Variants in VTA1 observed in about 807,000 individuals in gnomAD.
VTA1 encodes the protein vesicle trafficking 1.
Under a neutral mutation model 36.9 loss-of-function variants are expected in VTA1, and 24 were observed. The ratio of observed to expected loss-of-function variants is 0.65; its 90% CI spans 0.47 to 0.91. The LOEUF (loss-of-function observed/expected upper bound fraction) is 0.91, where lower values mean the gene tolerates loss of function less well. Ranked by LOEUF, VTA1 falls within the 40% of genes least tolerant of loss-of-function variation. VTA1 has a pLI of 0.00. For missense variants in VTA1, 393 were observed against 377.2 expected (o/e 1.04, Z -0.35); for synonymous variants, 142 against 130.2 (o/e 1.09, Z -0.62).
rs1202472255 is a variant in VTA1 at position 142,222,132 on chromosome 6, A to T, written c.*3489A>T. Reference sequence around the variant, plus strand: ...GGATGTGAGGTACGAACATAAGAGAAGGAGTAAAGGTTGACTCCAGATTTT... The same window carrying T: ...GGATGTGAGGTACGAACATAAGAGATGGAGTAAAGGTTGACTCCAGATTTT... On this transcript the variant is annotated 3_prime_UTR_variant, in exon 8 of 8. Coordinates refer to ENST00000367630, the MANE Select transcript of VTA1 (RefSeq NM_016485.5). The T allele has an allele frequency of 2.0e-5, 3 of 152,132 alleles. No homozygotes were observed. Among genetic ancestry groups the T allele is most frequent in the Non-Finnish European group, 4.4e-5 (3 of 68,030 alleles). 9.4% of individuals were successfully genotyped at this position (152,132 alleles called of 1,614,324 possible). A position where few individuals can be genotyped will look rare whatever the true frequency, so the allele number is the denominator to read the frequency against.
At chr6:142,163,532 A>AT (rs532430864) in intron 1 of VTA1, among the ~76,000 whole-genome samples, 43 of 149,650 alleles carry the variant, frequency 2.9e-4, no homozygotes, top group South Asian at 1.7e-3. Context: ...TATGTGAGAA[A>AT]TTTTTTTTTT....
intron 5 of VTA1, among the ~76,000 whole-genome samples, chr6:142,191,020 C>G (rs562782852): frequency 6.6e-6 from 1 of 151,964 alleles, no homozygotes; most frequent in Non-Finnish European, 1.5e-5. Context: ...TGTGATAAAC[C>G]CCACTTGGTC....
chr6:142,194,813 A>T (rs1405497408), intron 5 of VTA1, among the ~76,000 whole-genome samples: 1 of 152,120 alleles, frequency 6.6e-6, no homozygotes, highest in Non-Finnish European at 1.5e-5. Flanking sequence ...TGTGATACTG[A>T]GAAATCTTCT....
At chr6:142,157,496 G>A (rs997267076) in intron 1 of VTA1, among the ~76,000 whole-genome samples, 2 of 151,928 alleles carry the variant, frequency 1.3e-5, no homozygotes, top group East Asian at 1.9e-4. Flanking sequence ...GTTTTATTTT[G>A]TAAAAATTAT....
chr6:142,193,275 A>C (rs557409582), intron 5 of VTA1, among the ~76,000 whole-genome samples: 1 of 152,200 alleles, frequency 6.6e-6, no homozygotes, highest in East Asian at 1.9e-4. Flanking sequence ...CCTGCCTTAC[A>C]TTAGAAGTAT....
At chr6:142,159,222 G>A (rs1774730030) in intron 1 of VTA1, among the ~76,000 whole-genome samples, 1 of 151,778 alleles carries the variant, frequency 6.6e-6, no homozygotes, top group Non-Finnish European at 1.5e-5. Flanking sequence ...AAATTACCCA[G>A]ACATGGTGTC....
intron 2 of VTA1, among the ~76,000 whole-genome samples, chr6:142,168,862 G>A (rs1247524218): frequency 6.6e-6 from 1 of 151,394 alleles, no homozygotes; most frequent in African/African-American, 2.4e-5. Flanking sequence ...CTCCTCCCAG[G>A]TTCATGCCAT....
chr6:142,164,662 T>G (rs1774880345), intron 1 of VTA1, among the ~76,000 whole-genome samples: 3 of 152,174 alleles, frequency 2.0e-5, no homozygotes, highest in Non-Finnish European at 4.4e-5. Flanking sequence ...AACTTTGTTA[T>G]AAAGCTCTAG....
rs900302449 is a variant in VTA1 at position 142,220,557 on chromosome 6, G to A, written c.*1914G>A. On this transcript the variant is annotated 3_prime_UTR_variant, in exon 8 of 8. Coordinates refer to ENST00000367630, the MANE Select transcript of VTA1 (RefSeq NM_016485.5). ...TACCTGAAGTGCTTAGCGCATGGTAGCATTTCATAAATGTTTAGTGTCAAT... is the reference window on the plus strand; with the variant it reads ...TACCTGAAGTGCTTAGCGCATGGTAACATTTCATAAATGTTTAGTGTCAAT... The A allele has an allele frequency of 6.6e-6, 1 of 152,150 alleles. No homozygotes were observed. Among genetic ancestry groups the A allele is most frequent in the Non-Finnish European group, 1.5e-5 (1 of 68,032 alleles). The allele number at this position is 152,150 out of a possible 1,614,324, so 9.4% of individuals were successfully genotyped here.
chr6:142,211,023 G>A (rs1015041260), intron 7 of VTA1, among the ~76,000 whole-genome samples: 1 of 152,236 alleles, frequency 6.6e-6, no homozygotes, highest in Non-Finnish European at 1.5e-5. Context: ...GCAGCAACAT[G>A]GATAGAACTA....
rs574917638 is a variant in VTA1 at position 142,153,304 on chromosome 6, T to C, written c.112+5905T>C. On this transcript the variant is annotated intron_variant, in intron 1 of 7. Coordinates refer to ENST00000367630, the MANE Select transcript of VTA1 (RefSeq NM_016485.5). ...CATGTTAGATAACCTGTAAAACTTA[T>C]CTGTCGATTGAGTAAACAAACTATA... 2.6e-4 allele frequency among the ~76,000 whole-genome samples: 40 copies of C among 152,122 alleles called. No individual in the cohort carries two copies. In the South Asian group the frequency reaches 5.6e-3, roughly 21 times the overall value.
intron 4 of VTA1, among the ~76,000 whole-genome samples, chr6:142,185,228 A>C (rs1364539961): frequency 2.0e-5 from 3 of 152,104 alleles, no homozygotes; most frequent in Non-Finnish European, 4.4e-5. Flanking sequence ...TTATAGTAAC[A>C]GTTCTTTGTA....
At chr6:142,182,921 T>A (rs1299803648) in intron 4 of VTA1, among the ~76,000 whole-genome samples, 4 of 152,082 alleles carry the variant, frequency 2.6e-5, no homozygotes, top group Admixed American at 2.0e-4. Context: ...ATCCAAGAGC[T>A]GAAGCCTGAG....
At chr6:142,185,607 A>G (rs1440972392) in intron 4 of VTA1, among the ~76,000 whole-genome samples, 2 of 152,230 alleles carry the variant, frequency 1.3e-5, no homozygotes, top group Admixed American at 6.5e-5. Context: ...TGAAAAATTA[A>G]AAATAATCTG....
intron 5 of VTA1, among the ~76,000 whole-genome samples, chr6:142,197,919 A>G (rs1382336248): frequency 3.0e-5 from 4 of 132,026 alleles, no homozygotes; most frequent in Non-Finnish European, 3.3e-5. Flanking sequence ...CTAAAAATAC[A>G]AAAAAAAAAA....
chr6:142,159,366 A>C (rs930643364), intron 1 of VTA1, among the ~76,000 whole-genome samples: 16 of 152,004 alleles, frequency 1.1e-4, no homozygotes, highest in African/African-American at 3.9e-4. Context: ...CCCATCTCAA[A>C]AATTATATAA....
intron 5 of VTA1, 49 bp downstream of exon 5, chr6:142,189,583 A>G (rs762087533): frequency 6.8e-7 from 1 of 1,469,118 alleles, no homozygotes. Context: ...AATCATAATT[A>G]TTCAGTAGAT....
At chr6:142,181,091 AAAAAT>A (rs1166327194) in intron 4 of VTA1, among the ~76,000 whole-genome samples, 1 of 74,512 alleles carries the variant, frequency 1.3e-5, no homozygotes, top group African/African-American at 5.2e-5. Flanking sequence ...AAAAAAAAAA[AAAAAT>A]ATATATATAT....
chr6:142,187,395 G>T (rs928322625), intron 4 of VTA1, among the ~76,000 whole-genome samples: 3 of 152,224 alleles, frequency 2.0e-5, no homozygotes, highest in Non-Finnish European at 4.4e-5. Context: ...TTCTAGTGTA[G>T]ACTAGGCAGT....
Sources: gnomAD v4.1 joint callset for allele counts (sites outside exome capture counted in the v4.1 genomes callset) on GRCh38, gnomAD v4.1.1 for gene constraint, MANE v1.5 for transcripts, NCBI Gene and HGNC (gene_info 2026-07-23, HGNC 2026-07-21) for gene names.